FANCI: variants seen among roughly 807,000 people sequenced by gnomAD.
FANCI encodes the protein Fanconi anemia group I protein.
Under a neutral mutation model 176.1 loss-of-function variants are expected in FANCI, and 156 were observed. That is an observed-to-expected ratio of 0.89 (90% confidence interval 0.78 to 1.01). The LOEUF is 1.01. Ranked by LOEUF, FANCI falls within the 50% of genes least tolerant of loss-of-function variation. The pLI is 0.00. For missense variants in FANCI, 1,678 were observed against 1,534.1 expected, an observed-to-expected ratio of 1.09 and a Z score of -1.57; for synonymous variants, 613 against 541.7, an observed-to-expected ratio of 1.13 and a Z score of -1.83.
rs2055028402 is a variant in FANCI at position 89,312,948 on chromosome 15, A to T, written c.3696A>T (p.Lys1232Asn). Residue 1232 changes from lysine (K) to asparagine (N), a missense_variant, in exon 35 of 38, where the codon AAA becomes AAT. Physicochemically the swap from Lys to Asn is moderately conservative, Grantham distance 94. This residue lies in a region of FANCI where 1,204 missense variants were observed against 1,077.4 expected (regional missense o/e 1.12). Transcript: ENST00000310775. ...ACTATACGGGAGAGAAAAAGGAGAA[A>T]CCTGCTGCCGTTGCCACAGCCATGG... ...SLNYTGEKKE[K>N]PAAVATAMAR... 1 of 1,614,066 alleles carries T rather than the reference A, an allele frequency of 6.2e-7. No homozygotes were observed. The highest frequency in any genetic ancestry group is 1.6e-4 in the Middle Eastern group (1 of 6,062).
At chr15:89,271,454 G>A (rs1187364317) in intron 10 of FANCI, among the ~76,000 whole-genome samples, 1 of 152,050 alleles carries the variant, frequency 6.6e-6, no homozygotes, top group African/African-American at 2.4e-5. Flanking sequence ...ATGTTTTCAG[G>A]ATTCACCTGT....
At chr15:89,274,092 T>G in intron 11 of FANCI, 76 bp from the exon 12 acceptor site, 1 of 1,148,346 alleles carries the variant, frequency 8.7e-7, no homozygotes. Flanking sequence ...TTTATTTTCT[T>G]ATTTCTTTCA....
At chr15:89,267,740 A>G (rs905120109) in intron 9 of FANCI, among the ~76,000 whole-genome samples, 1 of 152,168 alleles carries the variant, frequency 6.6e-6, no homozygotes, top group Non-Finnish European at 1.5e-5. Context: ...CAGCTGGGCA[A>G]TATAGTGAAA....
At chr15:89,314,219 A>G (rs1365661371) in intron 35 of FANCI, among the ~76,000 whole-genome samples, 4 of 152,178 alleles carry the variant, frequency 2.6e-5, no homozygotes, top group Non-Finnish European at 5.9e-5. Flanking sequence ...ATTACAATTC[A>G]CGTTAGGGGG....
At chr15:89,246,194 C>CA (rs1190079305) in intron 1 of FANCI, among the ~76,000 whole-genome samples, 11 of 152,178 alleles carry the variant, frequency 7.2e-5, no homozygotes, top group Non-Finnish European at 1.5e-4. Flanking sequence ...CATAGCTACT[C>CA]ACTGAATTCT....
chr15:89,315,741 G>A (rs1432819108), intron 37 of FANCI, among the ~76,000 whole-genome samples: 1 of 152,146 alleles, frequency 6.6e-6, no homozygotes, highest in Non-Finnish European at 1.5e-5. Flanking sequence ...CTCATTCAAA[G>A]GCCACTCATT....
rs2052054427 is a variant in FANCI at position 89,247,792 on chromosome 15, G to A, written c.84+61G>A. 1.2e-5 allele frequency: 17 copies of A among 1,445,282 alleles called. No homozygotes were observed. The South Asian group carries it at 1.8e-4, about 16-fold the overall frequency. The allele number at this position is 1,445,282 out of a possible 1,614,324, so 89.5% of individuals were successfully genotyped here. ...TGTCAGGCATGATGACACATTCAAA[G>A]GACATGTGAGAAAGAAAAATTACGC... On this transcript the variant is annotated intron_variant, in intron 2 of 37. Coordinates refer to ENST00000310775, the MANE Select transcript of FANCI (RefSeq NM_001113378.2).
chr15:89,316,542 C>A lies in FANCI; in HGVS notation c.*83C>A, dbSNP rs2055271160. On this transcript the variant is annotated 3_prime_UTR_variant, in exon 38 of 38. Coordinates refer to ENST00000310775, the MANE Select transcript of FANCI (RefSeq NM_001113378.2). ...GCAACAATGCCCCTTGTCCTGTAGT[C>A]CACACCGATGTTGGCATCTTGGTTC... The A allele has an allele frequency of 4.3e-6, 6 of 1,386,382 alleles. No homozygotes were observed. In the Admixed American group the frequency reaches 1.2e-4, roughly 27 times the overall value. 85.9% of individuals were successfully genotyped at this position (1,386,382 alleles called of 1,614,324 possible).
intron 31 of FANCI, 84 bp from the exon 32 acceptor site, chr15:89,305,923 A>T: frequency 7.2e-7 from 1 of 1,384,380 alleles, no homozygotes; most frequent in Non-Finnish European, 1.0e-6. Context: ...CTTTCTAGTT[A>T]GTAGTAATCA....
chr15:89,261,452 C>G, intron 4 of FANCI, 133 bp from the exon 5 acceptor site: 1 of 1,117,202 alleles, frequency 9.0e-7, no homozygotes, highest in Admixed American at 1.8e-5. Context: ...CAGAATGATT[C>G]CATAAATCCC....
chr15:89,276,324 C>G (rs1012586433), intron 12 of FANCI, among the ~76,000 whole-genome samples: 1 of 152,220 alleles, frequency 6.6e-6, no homozygotes, highest in Non-Finnish European at 1.5e-5. Context: ...TATGACCTCT[C>G]TCCTAGAGAA....
intron 2 of FANCI, among the ~76,000 whole-genome samples, chr15:89,247,997 A>C (rs2052065614): frequency 6.6e-6 from 1 of 152,230 alleles, no homozygotes; most frequent in Admixed American, 6.5e-5. Context: ...TATTTATAAA[A>C]GCAATTAGTA....
chr15:89,247,092 A>T (rs1336824013), intron 1 of FANCI, among the ~76,000 whole-genome samples: 1 of 145,878 alleles, frequency 6.9e-6, no homozygotes, highest in Admixed American at 6.8e-5. Context: ...TTTTTAAGAG[A>T]CAGGGTCTTA....
chr15:89,293,990 CT>C lies in FANCI; in HGVS notation c.2453del (p.Phe818SerfsTer26), dbSNP rs2054161868. On this transcript the variant is annotated frameshift_variant, in exon 23 of 38. Coordinates refer to ENST00000310775, the MANE Select transcript of FANCI (RefSeq NM_001113378.2). LOFTEE classifies it high-confidence loss of function. ...MKFVSSLLTA[L>X]FRDSIQSHQE... ...ATTTGTGTCCAGTCTTCTCACTGCT[CT>C]TTTCAGGTAAGGTTCTGCTAGAGTG... 6.2e-7 allele frequency: 1 copy of C among 1,614,020 alleles called. No homozygotes were observed. The highest frequency in any genetic ancestry group is 1.1e-5 in the South Asian group (1 of 91,080).
chr15:89,314,006 T>G (rs1408191870), intron 35 of FANCI, among the ~76,000 whole-genome samples: 2 of 107,592 alleles, frequency 1.9e-5, no homozygotes, highest in African/African-American at 3.4e-5. Flanking sequence ...CACACACAAA[T>G]GTAGGACCTA....
In FANCI at chr15:89,293,815, C is replaced by A. The variant is rs901102009; in HGVS notation, c.2292-18C>A. 5 of 1,612,554 alleles carry A rather than the reference C, an allele frequency of 3.1e-6. No individual in the cohort carries two copies. The highest frequency in any genetic ancestry group is 1.9e-4 in the Middle Eastern group (1 of 5,394). ...TTCTGATGTTTGTCCTTAGCGGTCTCTTTTTTGTTTTTTACAGTAAGAATA... is the reference window on the plus strand; with the variant it reads ...TTCTGATGTTTGTCCTTAGCGGTCTATTTTTTGTTTTTTACAGTAAGAATA... On this transcript the variant is annotated intron_variant, in intron 22 of 37. Coordinates refer to ENST00000310775, the MANE Select transcript of FANCI (RefSeq NM_001113378.2).
intron 12 of FANCI, among the ~76,000 whole-genome samples, chr15:89,275,818 G>A (rs970777416): frequency 6.6e-6 from 1 of 152,212 alleles, no homozygotes; most frequent in African/African-American, 2.4e-5. Context: ...TTAGCCTGGA[G>A]TGGGTACTTG....
intron 18 of FANCI, among the ~76,000 whole-genome samples, chr15:89,288,182 G>A (rs1334768681): frequency 1.3e-5 from 2 of 152,184 alleles, no homozygotes; most frequent in Non-Finnish European, 2.9e-5. Flanking sequence ...AAGGCACAGT[G>A]AGCCACTCTT....
chr15:89,280,608 C>G (rs895286761), intron 14 of FANCI, among the ~76,000 whole-genome samples: 4 of 152,152 alleles, frequency 2.6e-5, no homozygotes, highest in East Asian at 3.9e-4. Flanking sequence ...TATATACCAA[C>G]TCATAATGAG....
Sources: allele counts gnomAD v4.1 joint callset (sites outside exome capture counted in the v4.1 genomes callset), GRCh38; gene constraint gnomAD v4.1.1; regional missense constraint gnomAD v4.1.1; transcripts MANE v1.5; gene names NCBI Gene and HGNC (gene_info 2026-07-23, HGNC 2026-07-21).